The following AFTPH variants were observed in gnomAD, a reference collection of about 807,000 sequenced individuals.
AFTPH encodes aftiphilin protein.
Under a neutral mutation model 72.5 loss-of-function variants are expected in AFTPH, and 7 were observed. That is an observed-to-expected ratio of 0.10 (90% CI 0.05 to 0.18). The LOEUF (loss-of-function observed/expected upper bound fraction) is 0.18. Among genes scored for constraint, AFTPH ranks in the 10% least tolerant of loss-of-function variants. The probability of loss-of-function intolerance (pLI) is 1.00; values close to 1 mark genes in which losing one functional copy is unlikely to be tolerated. For missense variants in AFTPH, 979 were observed against 1,060.5 expected (o/e 0.92, Z 1.07); for synonymous variants, 337 against 370.1 (o/e 0.91, Z 1.03).
intron 5 of AFTPH, among the ~76,000 whole-genome samples, chr2:64,572,662 G>T (rs1490276016): frequency 2.6e-5 from 4 of 152,098 alleles, no homozygotes; most frequent in Non-Finnish European, 1.5e-5. Context: ...ATTGTGAAAT[G>T]GTTCTCATTA....
chr2:64,591,807 T>C (rs908754221), intron 8 of AFTPH, 81 bp from the exon 10 acceptor site: 2 of 1,468,654 alleles, frequency 1.4e-6, no homozygotes, highest in Non-Finnish European at 1.9e-6. Context: ...GCTAACTGTC[T>C]ACCTTGAGAG....
chr2:64,553,685 A>G (rs1671186681), intron 2 of AFTPH, among the ~76,000 whole-genome samples: 1 of 140,996 alleles, frequency 7.1e-6, no homozygotes, highest in African/African-American at 2.8e-5. Flanking sequence ...TTTGGTGACT[A>G]TAAATACCAT....
At chr2:64,540,463 A>G (rs186035587) in intron 1 of AFTPH, among the ~76,000 whole-genome samples, 19 of 152,300 alleles carry the variant, frequency 1.2e-4, no homozygotes, top group Admixed American at 1.2e-3. Flanking sequence ...ATTACATGAA[A>G]CTATCCAAAT....
chr2:64,554,266 G>A (rs1445150994), intron 2 of AFTPH, among the ~76,000 whole-genome samples: 1 of 152,142 alleles, frequency 6.6e-6, no homozygotes, highest in Non-Finnish European at 1.5e-5. Flanking sequence ...AGCCCCTAGA[G>A]GTGTAGCTTG....
intron 7 of AFTPH, 49 bp downstream of exon 8, chr2:64,581,322 G>T: frequency 1.4e-6 from 2 of 1,467,172 alleles, no homozygotes; most frequent in South Asian, 1.3e-5. Flanking sequence ...CTAAAAGCAT[G>T]ACCACATCAC....
At chr2:64,591,563 T>A (rs950583350) in intron 8 of AFTPH, among the ~76,000 whole-genome samples, 9 of 152,212 alleles carry the variant, frequency 5.9e-5, no homozygotes, top group African/African-American at 2.2e-4. Context: ...TTAGTAACAT[T>A]TTAAAATTAT....
At chr2:64,583,682 A>G (rs1034185699) in intron 7 of AFTPH, among the ~76,000 whole-genome samples, 2 of 152,196 alleles carry the variant, frequency 1.3e-5, no homozygotes, top group Non-Finnish European at 2.9e-5. Flanking sequence ...ACAATTTTTT[A>G]CATTTTAATT....
chr2:64,561,155 G>A (rs756767742), intron 2 of AFTPH, among the ~76,000 whole-genome samples: 3 of 152,170 alleles, frequency 2.0e-5, no homozygotes, highest in Non-Finnish European at 4.4e-5. Context: ...GCCTTGAATA[G>A]CATTTGATTT....
At chr2:64,561,190 CA>C (rs1214850597) in intron 2 of AFTPH, among the ~76,000 whole-genome samples, 1 of 152,158 alleles carries the variant, frequency 6.6e-6, no homozygotes, top group Non-Finnish European at 1.5e-5. Flanking sequence ...ATCAGAGCCC[CA>C]GTTTTTAAAA....
chr2:64,527,666 A>T (rs370381944), intron 1 of AFTPH, among the ~76,000 whole-genome samples: 7 of 152,208 alleles, frequency 4.6e-5, no homozygotes, highest in East Asian at 1.9e-4. Flanking sequence ...TTGTATATTT[A>T]AAAAAAGGAC....
rs532730863 is a variant in AFTPH at position 64,528,626 on chromosome 2, G to A, written c.-33+4014G>A. ...TTTTATATAGAGTGGAGTCAGAGAAGGCTTAAACCTGAAGAAGGGGAAGCA... is the reference window on the plus strand; with the variant it reads ...TTTTATATAGAGTGGAGTCAGAGAAAGCTTAAACCTGAAGAAGGGGAAGCA... On this transcript the variant is annotated intron_variant, in intron 1 of 8. Coordinates refer to ENST00000238856, the Ensembl canonical transcript of AFTPH. 5.7e-4 allele frequency among the ~76,000 whole-genome samples: 87 copies of A among 152,188 alleles called. 1 individual carries two copies. The Middle Eastern group carries it at 0.01, about 18-fold the overall frequency.
intron 1 of AFTPH, among the ~76,000 whole-genome samples, chr2:64,539,712 A>C (rs1670107156): frequency 6.6e-6 from 1 of 152,208 alleles, no homozygotes; most frequent in Non-Finnish European, 1.5e-5. Flanking sequence ...ATGGTAAACA[A>C]CAGAGGTCTA....
rs1200206472 is a variant in AFTPH at position 64,567,548 on chromosome 2, G to T, written c.1936-14G>T. ...TTAAATGAAAATAAACTTTTGGGGGGTGTTTTGATGCAGACAGCTTTATTA... is the reference window on the plus strand; with the variant it reads ...TTAAATGAAAATAAACTTTTGGGGGTTGTTTTGATGCAGACAGCTTTATTA... On this transcript the variant is annotated splice_polypyrimidine_tract_variant and intron_variant, in intron 2 of 8. Coordinates refer to ENST00000238856, the Ensembl canonical transcript of AFTPH. 1 of 1,586,856 alleles carries T rather than the reference G, an allele frequency of 6.3e-7. No homozygotes were observed. The highest frequency in any genetic ancestry group is 8.5e-7 in the Non-Finnish European group (1 of 1,169,830).
At chr2:64,546,759 G>A (rs770239409) in intron 1 of AFTPH, among the ~76,000 whole-genome samples, 2 of 152,002 alleles carry the variant, frequency 1.3e-5, no homozygotes, top group African/African-American at 4.8e-5. Context: ...ACAAGGCTGG[G>A]CATGGTGGCT....
At chr2:64,564,372 G>C (rs1034580986) in intron 2 of AFTPH, among the ~76,000 whole-genome samples, 5 of 152,104 alleles carry the variant, frequency 3.3e-5, no homozygotes, top group African/African-American at 1.2e-4. Context: ...TGCCACCTCT[G>C]ACACCCTCGG....
chr2:64,591,648 T>C (rs1673831255), intron 8 of AFTPH, among the ~76,000 whole-genome samples: 1 of 152,220 alleles, frequency 6.6e-6, no homozygotes. Flanking sequence ...TGTGAGTATC[T>C]GTGTGTGCAT....
chr2:64,591,904 G>C, exon 9 of AFTPH: 1 of 1,613,826 alleles, frequency 6.2e-7, no homozygotes, highest in South Asian at 1.1e-5. Flanking sequence ...GAAAAGAGAA[G>C]AGCACCTAAG....
intron 5 of AFTPH, among the ~76,000 whole-genome samples, chr2:64,570,470 T>C (rs1473653942): frequency 6.6e-6 from 1 of 152,226 alleles, no homozygotes; most frequent in Non-Finnish European, 1.5e-5. Flanking sequence ...TAAGCACTAA[T>C]TATTGATTTT....
chr2:64,580,755 T>C (rs778401153), intron 7 of AFTPH: 18 of 153,132 alleles, frequency 1.2e-4, no homozygotes, highest in African/African-American at 4.1e-4. Context: ...TTTGTCACTT[T>C]TTAAAAAGCA....
Sources: allele counts gnomAD v4.1 joint callset (sites outside exome capture counted in the v4.1 genomes callset), GRCh38; gene constraint gnomAD v4.1.1; transcripts MANE v1.5; gene names NCBI Gene and HGNC (gene_info 2026-07-23, HGNC 2026-07-21).